The following CNTNAP2 variants were observed in gnomAD, a reference collection of about 807,000 sequenced individuals.
CNTNAP2 encodes contactin associated protein 2, also known as contactin-associated protein-like 2.
CNTNAP2 carries 98 observed loss-of-function variants against 155.2 expected under a neutral mutation model. The ratio of observed to expected loss-of-function variants is 0.63; its 90% CI spans 0.54 to 0.75. CNTNAP2 has a LOEUF of 0.75. CNTNAP2 is among the 30% of genes least tolerant of loss of function. The probability of loss-of-function intolerance (pLI) is 0.00; values close to 1 mark genes in which losing one functional copy is unlikely to be tolerated. For missense variants in CNTNAP2, 1,727 were observed against 1,688.1 expected (o/e 1.02, Z -0.40); for synonymous variants, 651 against 631.2 (o/e 1.03, Z -0.47).
At chr7:147,493,510 A>C (rs182059833) in intron 11 of CNTNAP2, among the ~76,000 whole-genome samples, 1 of 152,288 alleles carries the variant, frequency 6.6e-6, no homozygotes, top group Non-Finnish European at 1.5e-5. Flanking sequence ...TCATTCATCA[A>C]TATATTGAGA....
At chr7:147,063,096 C>A (rs73467082) in intron 4 of CNTNAP2, among the ~76,000 whole-genome samples, 9,115 of 152,178 alleles carry the variant, frequency 0.06, 705 homozygotes, top group African/African-American at 0.18. Context: ...TGAGAACTCC[C>A]TGAAAGAGGA....
chr7:146,213,258 T>G (rs920697960), intron 1 of CNTNAP2, among the ~76,000 whole-genome samples: 1 of 152,242 alleles, frequency 6.6e-6, no homozygotes, highest in African/African-American at 2.4e-5. Context: ...GCTTTCTTTA[T>G]ATTTTTAAAT....
At chr7:146,246,242 A>G (rs369391411) in intron 1 of CNTNAP2, among the ~76,000 whole-genome samples, 41,447 of 147,720 alleles carry the variant, frequency 0.28, 6,064 homozygotes, top group Middle Eastern at 0.35. Flanking sequence ...AAGGTGGGGT[A>G]ATACAAGAGG....
chr7:148,379,798 C>A, intron 21 of CNTNAP2, among the ~76,000 whole-genome samples: 1 of 152,178 alleles, frequency 6.6e-6, no homozygotes, highest in East Asian at 1.9e-4. Flanking sequence ...ACACGAGGCC[C>A]CAAGCACAGC....
At chr7:148,276,015 T>C (rs1796865151) in intron 21 of CNTNAP2, among the ~76,000 whole-genome samples, 1 of 152,094 alleles carries the variant, frequency 6.6e-6, no homozygotes, top group Non-Finnish European at 1.5e-5. Context: ...GATGTGAAGA[T>C]GCAAGTGATA....
intron 15 of CNTNAP2, 78 bp downstream of exon 15, chr7:147,978,067 T>A (rs956981782): frequency 6.4e-7 from 1 of 1,574,490 alleles, no homozygotes; most frequent in Non-Finnish European, 8.6e-7. Context: ...AGAAGATGCC[T>A]GCAATCAGAC....
chr7:147,898,472 C>A (rs906301306), intron 13 of CNTNAP2, among the ~76,000 whole-genome samples: 3 of 152,130 alleles, frequency 2.0e-5, no homozygotes, highest in African/African-American at 7.2e-5. Context: ...ACTTAACATC[C>A]CAAGAGGGTG....
intron 1 of CNTNAP2, among the ~76,000 whole-genome samples, chr7:146,191,589 C>T (rs568304303): frequency 6.6e-6 from 1 of 152,230 alleles, no homozygotes; most frequent in East Asian, 1.9e-4. Flanking sequence ...CTTATTTCAT[C>T]CCTTATCTTC....
intron 22 of CNTNAP2, among the ~76,000 whole-genome samples, chr7:148,387,767 T>C (rs1210021581): frequency 6.6e-6 from 1 of 152,130 alleles, no homozygotes; most frequent in Non-Finnish European, 1.5e-5. Flanking sequence ...GGGGAGCTTT[T>C]TAAAACCCTG....
intron 1 of CNTNAP2, among the ~76,000 whole-genome samples, chr7:146,143,089 G>A (rs1797903545): frequency 6.6e-6 from 1 of 152,148 alleles, no homozygotes; most frequent in Non-Finnish European, 1.5e-5. Flanking sequence ...GGCTGCCATT[G>A]TTATCTGTGT....
intron 22 of CNTNAP2, among the ~76,000 whole-genome samples, chr7:148,407,473 G>T (rs1195044036): frequency 2.6e-5 from 4 of 152,178 alleles, no homozygotes; most frequent in Non-Finnish European, 5.9e-5. Context: ...AAAGGCCAAG[G>T]TGGGAGGATC....
At chr7:147,663,071 T>A (rs984369398) in intron 13 of CNTNAP2, among the ~76,000 whole-genome samples, 2 of 152,194 alleles carry the variant, frequency 1.3e-5, no homozygotes, top group Non-Finnish European at 2.9e-5. Flanking sequence ...CGTTCTCGGC[T>A]CACTGCAACC....
At chr7:146,365,259 C>T (rs767671685) in intron 1 of CNTNAP2, among the ~76,000 whole-genome samples, 48 of 152,174 alleles carry the variant, frequency 3.2e-4, no homozygotes, top group African/African-American at 4.8e-5. Flanking sequence ...AGCACCTCTG[C>T]TCAGATCCTG....
intron 1 of CNTNAP2, among the ~76,000 whole-genome samples, chr7:146,620,192 A>G (rs1251224756): frequency 6.6e-6 from 1 of 152,094 alleles, no homozygotes; most frequent in Non-Finnish European, 1.5e-5. Flanking sequence ...TCCATAAAAG[A>G]ACTTAAGCAG....
At chr7:147,936,337 G>A (rs1338891180) in intron 14 of CNTNAP2, among the ~76,000 whole-genome samples, 2 of 150,326 alleles carry the variant, frequency 1.3e-5, no homozygotes, top group African/African-American at 4.9e-5. Flanking sequence ...TTGATCCAGT[G>A]GATCTTGACC....
intron 9 of CNTNAP2, among the ~76,000 whole-genome samples, chr7:147,337,515 T>A (rs527525610): frequency 6.6e-6 from 1 of 152,174 alleles, no homozygotes. Flanking sequence ...TGTCCTGCAG[T>A]GCTGTGTGTC....
intron 1 of CNTNAP2, among the ~76,000 whole-genome samples, chr7:146,487,568 G>C (rs1015303149): frequency 3.0e-4 from 45 of 152,170 alleles, no homozygotes; most frequent in Admixed American, 2.7e-3. Context: ...TGAGGGCAGA[G>C]GAGGGACTTG....
chr7:146,902,930 C>T (rs1796033201), intron 3 of CNTNAP2, among the ~76,000 whole-genome samples: 1 of 152,204 alleles, frequency 6.6e-6, no homozygotes, highest in Admixed American at 6.5e-5. Context: ...ATTGTCTCCT[C>T]TCTAACCACA....
intron 3 of CNTNAP2, among the ~76,000 whole-genome samples, chr7:146,941,435 A>G (rs1395858449): frequency 6.6e-6 from 1 of 152,162 alleles, no homozygotes; most frequent in African/African-American, 2.4e-5. Flanking sequence ...ATCATTTTAT[A>G]TTGGATAATC....
Sources: gnomAD v4.1 joint callset for allele counts (sites outside exome capture counted in the v4.1 genomes callset) on GRCh38, gnomAD v4.1.1 for gene constraint, MANE v1.5 for transcripts, NCBI Gene and HGNC (gene_info 2026-07-23, HGNC 2026-07-21) for gene names.